The following RFX7 variants were observed in gnomAD, a reference collection of about 807,000 sequenced individuals.
RFX7 encodes DNA-binding protein RFX7.
In RFX7, 26 loss-of-function variants were observed where a neutral mutation model predicts 111.8. The observed-to-expected ratio is 0.23, with a 90% CI of 0.17 to 0.32. The LOEUF (loss-of-function observed/expected upper bound fraction) is 0.32. RFX7 is among the 10% of genes least tolerant of loss of function. The pLI, the probability that RFX7 is intolerant of heterozygous loss-of-function variation, is 1.00. For synonymous variants in RFX7, 624 were observed against 624.4 expected (o/e 1.00, Z 0.01); for missense variants, 1,573 against 1,772.9 (o/e 0.89, Z 2.02).
At chr15:56,151,396 G>A (rs2141048629) in intron 3 of RFX7, among the ~76,000 whole-genome samples, 1 of 152,306 alleles carries the variant, frequency 6.6e-6, no homozygotes, top group South Asian at 2.1e-4. Flanking sequence ...GAGAGTGGGA[G>A]CCAATATTCA....
chr15:56,141,484 C>G (rs1160970949), intron 5 of RFX7, among the ~76,000 whole-genome samples: 2 of 151,710 alleles, frequency 1.3e-5, no homozygotes, highest in African/African-American at 2.4e-5. Context: ...CTATGTCACA[C>G]AAGTTTAATG....
intron 2 of RFX7, among the ~76,000 whole-genome samples, chr15:56,180,242 C>T (rs573884274): frequency 2.6e-5 from 4 of 152,242 alleles, no homozygotes; most frequent in South Asian, 4.1e-4. Flanking sequence ...TCTCATTTAA[C>T]ACAATCATTA....
At chr15:56,135,767 T>A (rs1299611973) in intron 5 of RFX7, among the ~76,000 whole-genome samples, 1 of 151,888 alleles carries the variant, frequency 6.6e-6, no homozygotes, top group Admixed American at 6.6e-5. Context: ...TTTAAGTCTT[T>A]AATCCATCTT....
chr15:56,115,231 C>G (rs555623449), intron 5 of RFX7, among the ~76,000 whole-genome samples: 1 of 152,254 alleles, frequency 6.6e-6, no homozygotes, highest in East Asian at 1.9e-4. Context: ...AGGCTGGTCT[C>G]GAACTCCTGA....
chr15:56,096,680 G>A (rs533931200), intron 9 of RFX7, 60 bp from the exon 10 acceptor site: 2 of 1,452,686 alleles, frequency 1.4e-6, no homozygotes, highest in South Asian at 1.4e-5. Context: ...AGTAATTCAT[G>A]TATCTGTATA....
Position 56,094,086 on chromosome 15 carries a change from T to A in RFX7, c.3642A>T (p.Ala1214=). 1.2e-6 allele frequency: 2 copies of A among 1,614,006 alleles called. No individual in the cohort carries two copies. Among genetic ancestry groups the A allele is most frequent in the South Asian group, 1.1e-5 (1 of 91,086 alleles). The change falls in exon 10 of 10, where the codon GCA becomes GCT. Residue 1214 remains alanine (A), a synonymous_variant. Transcript: ENST00000559447. ...TTCTTTGAGCTATGTTGTTGGCACA[T>A]GCGTCTGTGTGAACATTTGTGAAAA... ...VHVFTNVHTD[A]CANNIAQRSQ... is the part of the protein sequence containing the mutation.
intron 2 of RFX7, among the ~76,000 whole-genome samples, chr15:56,230,231 T>C (rs2043535214): frequency 6.6e-6 from 1 of 152,218 alleles, no homozygotes; most frequent in Admixed American, 6.5e-5. Context: ...TACTGTTGTA[T>C]ACTCAGTCAC....
intron 5 of RFX7, among the ~76,000 whole-genome samples, chr15:56,115,317 A>G (rs1359380512): frequency 1.1e-4 from 17 of 152,184 alleles, no homozygotes; most frequent in African/African-American, 4.1e-4. Flanking sequence ...TACAGGGGTG[A>G]GCCTCTGTGC....
chr15:56,145,813 C>T (rs2141032599), intron 3 of RFX7, among the ~76,000 whole-genome samples: 1 of 152,312 alleles, frequency 6.6e-6, no homozygotes, highest in Admixed American at 6.5e-5. Flanking sequence ...AGGTCTTCAG[C>T]TGTCTTTCTT....
intron 5 of RFX7, among the ~76,000 whole-genome samples, chr15:56,114,488 G>A (rs546707670): frequency 4.0e-5 from 6 of 151,504 alleles, no homozygotes; most frequent in South Asian, 2.1e-4. Context: ...GAAATTTATC[G>A]TTTTCGTATT....
intron 5 of RFX7, among the ~76,000 whole-genome samples, chr15:56,112,809 AAAAC>A (rs1469162206): frequency 2.1e-5 from 3 of 144,920 alleles, no homozygotes; most frequent in African/African-American, 7.3e-5. Flanking sequence ...TTACCAGATA[AAAAC>A]AAACAACCCC....
chr15:56,151,219 A>G (rs1413196178), intron 3 of RFX7, among the ~76,000 whole-genome samples: 12 of 152,148 alleles, frequency 7.9e-5, no homozygotes, highest in African/African-American at 2.7e-4. Context: ...CACCACAAAG[A>G]TACTCCTCGA....
intron 2 of RFX7, among the ~76,000 whole-genome samples, chr15:56,224,183 C>T (rs58934221): frequency 0.13 from 19,800 of 151,670 alleles, 1,686 homozygotes; most frequent in East Asian, 0.44. Context: ...GTAAAATGAA[C>T]GGTGCCAGTC....
At chr15:56,203,523 C>A (rs560750160) in intron 2 of RFX7, among the ~76,000 whole-genome samples, 2 of 152,278 alleles carry the variant, frequency 1.3e-5, no homozygotes, top group South Asian at 2.1e-4. Context: ...TAAAATGAGG[C>A]TGAAACCTAC....
chr15:56,229,690 C>T (rs1249298273), intron 2 of RFX7, among the ~76,000 whole-genome samples: 4 of 152,138 alleles, frequency 2.6e-5, no homozygotes, highest in African/African-American at 9.7e-5. Context: ...GGGGGAGCCC[C>T]CAAATTTAAA....
At chr15:56,236,567 T>G (rs1434308043) in intron 2 of RFX7, among the ~76,000 whole-genome samples, 1 of 152,200 alleles carries the variant, frequency 6.6e-6, no homozygotes, top group Non-Finnish European at 1.5e-5. Flanking sequence ...ATGTTCCTTA[T>G]AATTTACAAA....
At chr15:56,129,998 G>A (rs1194780302) in intron 5 of RFX7, among the ~76,000 whole-genome samples, 1 of 152,002 alleles carries the variant, frequency 6.6e-6, no homozygotes, top group Non-Finnish European at 1.5e-5. Context: ...ACTTGCATTT[G>A]CCTAAAATTA....
chr15:56,171,758 G>A (rs188873424), intron 3 of RFX7, among the ~76,000 whole-genome samples: 1 of 152,132 alleles, frequency 6.6e-6, no homozygotes, highest in African/African-American at 2.4e-5. Flanking sequence ...TTATAGAAGT[G>A]GGGGTATGAT....
At chr15:56,175,516 A>C (rs1353421785) in intron 3 of RFX7, among the ~76,000 whole-genome samples, 2 of 152,152 alleles carry the variant, frequency 1.3e-5, no homozygotes, top group Non-Finnish European at 2.9e-5. Flanking sequence ...AGTAAACAAG[A>C]CAGTGTAGTG....
Sources: gnomAD v4.1 joint callset for allele counts (sites outside exome capture counted in the v4.1 genomes callset) on GRCh38, gnomAD v4.1.1 for gene constraint, MANE v1.5 for transcripts, NCBI Gene and HGNC (gene_info 2026-07-23, HGNC 2026-07-21) for gene names.